Variants in DOCK2 observed in about 807,000 individuals in gnomAD.
DOCK2 encodes the protein dedicator of cytokinesis 2.
Under a neutral mutation model 248.9 loss-of-function variants are expected in DOCK2, and 87 were observed. The ratio of observed to expected loss-of-function variants is 0.35; its 90% CI spans 0.29 to 0.42. The LOEUF is 0.42. Among genes scored for constraint, DOCK2 ranks in the 10% least tolerant of loss-of-function variants. The probability of loss-of-function intolerance (pLI) is 1.00; values close to 1 mark genes in which losing one functional copy is unlikely to be tolerated. For synonymous variants in DOCK2, 805 were observed against 821.6 expected, an observed-to-expected ratio of 0.98 and a Z score of 0.35; for missense variants, 1,747 against 2,300.2, an observed-to-expected ratio of 0.76 and a Z score of 4.92.
At chr5:169,698,124 G>A (rs1008488345) in intron 10 of DOCK2, among the ~76,000 whole-genome samples, 3 of 152,172 alleles carry the variant, frequency 2.0e-5, no homozygotes, top group Non-Finnish European at 4.4e-5. Context: ...CTAAGCCATG[G>A]TGCTCTTGGA....
At chr5:169,698,557 G>A (rs1395535321) in intron 11 of DOCK2, 108 bp downstream of exon 11, 2 of 1,246,198 alleles carry the variant, frequency 1.6e-6, no homozygotes, top group Non-Finnish European at 2.3e-6. Context: ...TAGGCAGGTG[G>A]AGCCTCCCAA....
At chr5:169,758,167 C>G (rs1271787206) in intron 23 of DOCK2, among the ~76,000 whole-genome samples, 1 of 152,114 alleles carries the variant, frequency 6.6e-6, no homozygotes, top group East Asian at 1.9e-4. Flanking sequence ...CAGTGCTGGG[C>G]AGTGGTTAGA....
chr5:170,076,482 G>A (rs1757846701), intron 47 of DOCK2, among the ~76,000 whole-genome samples: 1 of 152,206 alleles, frequency 6.6e-6, no homozygotes, highest in Non-Finnish European at 1.5e-5. Flanking sequence ...GGTTCAGAAG[G>A]TCAGGCAACT....
chr5:170,063,543 T>C (rs1757400749), intron 44 of DOCK2, among the ~76,000 whole-genome samples: 1 of 152,180 alleles, frequency 6.6e-6, no homozygotes, highest in African/African-American at 2.4e-5. Flanking sequence ...AGGAAGCTAA[T>C]AGGGCAAACA....
intron 15 of DOCK2, among the ~76,000 whole-genome samples, chr5:169,711,282 T>A (rs954223713): frequency 6.6e-6 from 1 of 152,076 alleles, no homozygotes; most frequent in Non-Finnish European, 1.5e-5. Context: ...CTGTGAGACT[T>A]TGGGAGGTGG....
At position 169,712,215 on chromosome 5, in the gene DOCK2, G is replaced by C; in HGVS notation, c.1651G>C (p.Val551Leu). Residue 551 changes from valine (V) to leucine (L), a missense_variant, in exon 17 of 52, where the codon GTC (valine) becomes CTC (leucine). This residue lies in a region of DOCK2 where 858 missense variants were observed against 1,183.5 expected (regional missense o/e 0.72). Coordinates refer to ENST00000520908, the MANE Select transcript of DOCK2 (RefSeq NM_004946.3). The stretch of plus-strand genomic sequence containing the variant: ...ACACGATGGATTCCATGACTTAGTT[G>C]TCCTCAAGGTACCATGAGTTGGAAG... ...TLHDGFHDLV[V>L]LKGDSKKMED... 1 of 1,613,990 alleles carries C rather than the reference G, an allele frequency of 6.2e-7. No homozygotes were observed. The highest frequency in any genetic ancestry group is 8.5e-7 in the Non-Finnish European group (1 of 1,179,880).
rs187015434 is a variant in DOCK2 at position 169,877,391 on chromosome 5, C to G, written c.2799+36539C>G. Among the ~76,000 whole-genome samples the G allele has an allele frequency of 1.8e-3, 279 of 152,228 alleles. 1 individual carries two copies. Among genetic ancestry groups the G allele is most frequent in the African/African-American group, 6.1e-3 (252 of 41,542 alleles). ...ACGTTCAAGTGACAAATGATGAGAG[C>G]CTTTTCTGAACCTGCGGCAGAGGAA... On this transcript the variant is annotated intron_variant, in intron 27 of 51. Transcript: ENST00000520908.
chr5:170,078,871 A>C (rs1036614718), intron 48 of DOCK2, 104 bp from the exon 49 acceptor site: 13 of 1,335,006 alleles, frequency 9.7e-6, no homozygotes, highest in Non-Finnish European at 1.4e-5. Flanking sequence ...CTGTAGTGAC[A>C]GCTCAGGCAG....
chr5:170,018,116 A>G (rs1755598204), intron 32 of DOCK2, among the ~76,000 whole-genome samples: 1 of 152,198 alleles, frequency 6.6e-6, no homozygotes. Context: ...TATCATTTCA[A>G]AATTGGCAAA....
intron 32 of DOCK2, among the ~76,000 whole-genome samples, chr5:170,010,834 T>A (rs763134529): frequency 2.3e-4 from 35 of 152,194 alleles, no homozygotes; most frequent in Non-Finnish European, 4.1e-4. Flanking sequence ...AAAACAGGGA[T>A]CTGTGCTTTG....
chr5:169,689,441 C>A, intron 9 of DOCK2, 108 bp downstream of exon 9: 1 of 1,167,748 alleles, frequency 8.6e-7, no homozygotes, highest in Non-Finnish European at 1.2e-6. Context: ...TCCTGCAGAG[C>A]TGTGTTGTGG....
chr5:169,678,537 A>G (rs1561591755), intron 6 of DOCK2, among the ~76,000 whole-genome samples: 1 of 152,166 alleles, frequency 6.6e-6, no homozygotes, highest in Non-Finnish European at 1.5e-5. Flanking sequence ...TGCTGGGATT[A>G]CAGTCATAAG....
chr5:170,013,637 T>C (rs924833032), intron 32 of DOCK2, among the ~76,000 whole-genome samples: 12 of 152,076 alleles, frequency 7.9e-5, no homozygotes, highest in African/African-American at 2.9e-4. Context: ...CCTTAGATCC[T>C]CCAGAAGGAA....
intron 27 of DOCK2, among the ~76,000 whole-genome samples, chr5:169,978,395 G>A (rs202107504): frequency 7.0e-6 from 1 of 142,322 alleles, no homozygotes; most frequent in Non-Finnish European, 1.5e-5. Flanking sequence ...GTGTGTGTGG[G>A]GGGGGGGGGG....
At chr5:169,760,736 T>A (rs573173672) in intron 24 of DOCK2, among the ~76,000 whole-genome samples, 4 of 152,350 alleles carry the variant, frequency 2.6e-5, no homozygotes, top group East Asian at 3.9e-4. Context: ...TGCTTCTGTG[T>A]CATTTGATGA....
At chr5:170,010,415 C>T (rs942799294) in intron 32 of DOCK2, among the ~76,000 whole-genome samples, 1 of 152,078 alleles carries the variant, frequency 6.6e-6, no homozygotes, top group African/African-American at 2.4e-5. Context: ...GAACATGGTG[C>T]AAGCACAGGC....
chr5:169,766,476 C>T (rs1264159428), intron 25 of DOCK2, among the ~76,000 whole-genome samples: 3 of 152,108 alleles, frequency 2.0e-5, no homozygotes, highest in East Asian at 1.9e-4. Context: ...CCACCATCAG[C>T]GCGTGTTTAG....
At chr5:169,896,023 C>T (rs1421400033) in intron 27 of DOCK2, among the ~76,000 whole-genome samples, 1 of 152,208 alleles carries the variant, frequency 6.6e-6, no homozygotes, top group Non-Finnish European at 1.5e-5. Flanking sequence ...TGGCCACCCT[C>T]CATGATCCTT....
chr5:170,018,862 T>A, intron 32 of DOCK2, 98 bp from the exon 33 acceptor site: 1 of 1,447,410 alleles, frequency 6.9e-7, no homozygotes, highest in Non-Finnish European at 9.4e-7. Context: ...TTGTTTTTAC[T>A]ATTATGCTTC....
Sources: gnomAD v4.1 joint callset for allele counts (sites outside exome capture counted in the v4.1 genomes callset) on GRCh38, gnomAD v4.1.1 for gene constraint, gnomAD v4.1.1 regional missense constraint, MANE v1.5 for transcripts, NCBI Gene and HGNC (gene_info 2026-07-23, HGNC 2026-07-21) for gene names.